TXLNG: variants seen among roughly 807,000 people sequenced by gnomAD.
The protein encoded by TXLNG is taxilin gamma, also known as gamma-taxilin.
TXLNG carries 5 observed loss-of-function variants against 38.8 expected under a neutral mutation model. That is an observed-to-expected ratio of 0.13 (90% CI 0.07 to 0.27). The LOEUF (loss-of-function observed/expected upper bound fraction) is 0.27, where lower values mean the gene tolerates loss of function less well. Among genes scored for constraint, TXLNG ranks in the 10% least tolerant of loss-of-function variants. The probability of loss-of-function intolerance (pLI) is 1.00; values close to 1 mark genes in which losing one functional copy is unlikely to be tolerated. For missense variants in TXLNG, 393 were observed against 398.2 expected (o/e 0.99, Z 0.11); for synonymous variants, 182 against 158.2 (o/e 1.15, Z -1.13).
chrX:16,841,636 A>G lies in TXLNG; in HGVS notation c.1457A>G (p.His486Arg), dbSNP rs1377503589. Residue 486 changes from histidine (H) to arginine (R), a missense_variant, in exon 10 of 10, where the codon CAC becomes CGC. Physicochemically the swap from His to Arg is conservative, Grantham distance 29. Transcript: ENST00000380122. ...VMQPCTALDS[H>R]KELNTSSKRA... ...CAGCCCTGTACTGCCCTGGATTCTC[A>G]CAAGGAGCTGAACACTTCCTCGAAA... The G allele has an allele frequency of 4.1e-6, 5 of 1,211,619 alleles. No individual in the cohort carries two copies. Among genetic ancestry groups the G allele is most frequent in the Non-Finnish European group, 4.5e-6 (4 of 895,504 alleles).
chrX:16,829,329 G>A (rs1015320342), intron 4 of TXLNG, among the ~76,000 whole-genome samples: 4 of 111,383 alleles, frequency 3.6e-5, no homozygotes, highest in African/African-American at 1.3e-4. Context: ...GCAGTAGAGT[G>A]AATTGTAGAC....
chrX:16,843,354 G>C lies in TXLNG; in HGVS notation c.*1588G>C, dbSNP rs1602409747. Reference sequence around the variant, plus strand: ...AAACCGCCTGGAGTGGAGGAGGGTTGTATCTAAGCCTCCACTATCAGTCAT... The same window carrying C: ...AAACCGCCTGGAGTGGAGGAGGGTTCTATCTAAGCCTCCACTATCAGTCAT... On this transcript the variant is annotated 3_prime_UTR_variant, in exon 10 of 10. Coordinates refer to ENST00000380122, the MANE Select transcript of TXLNG (RefSeq NM_018360.3). 1 of 111,878 alleles carries C rather than the reference G, an allele frequency of 8.9e-6. No individual in the cohort carries two copies. The highest frequency in any genetic ancestry group is 2.8e-4 in the East Asian group (1 of 3,577). The allele number at this position is 111,878 out of a possible 1,213,427, so 9.2% of individuals were successfully genotyped here. A position where few individuals can be genotyped will look rare whatever the true frequency, so the allele number is the denominator to read the frequency against.
chrX:16,789,338 A>G (rs1927621362), intron 1 of TXLNG, among the ~76,000 whole-genome samples: 1 of 111,007 alleles, frequency 9.0e-6, no homozygotes, highest in Non-Finnish European at 1.9e-5. Flanking sequence ...TTTTGCTTCT[A>G]AAGGTAATGT....
chrX:16,821,647 C>T (rs1928961821), intron 3 of TXLNG, among the ~76,000 whole-genome samples: 1 of 112,281 alleles, frequency 8.9e-6, no homozygotes, highest in Non-Finnish European at 1.9e-5. Context: ...ACAGTTAATT[C>T]CATATCATAA....
chrX:16,824,211 C>T (rs956739714), intron 3 of TXLNG, among the ~76,000 whole-genome samples: 7 of 111,737 alleles, frequency 6.3e-5, no homozygotes, highest in East Asian at 2.8e-4. Flanking sequence ...CACACACACA[C>T]GCACACACGC....
intron 9 of TXLNG, 47 bp downstream of exon 9, chrX:16,839,963 T>G: frequency 8.1e-6 from 8 of 985,632 alleles, no homozygotes; most frequent in Non-Finnish European, 1.1e-5. Context: ...TCATGGGGAC[T>G]CCTTGAGTTC....
At chrX:16,831,375 T>C (rs1440244803) in intron 5 of TXLNG, among the ~76,000 whole-genome samples, 1 of 112,672 alleles carries the variant, frequency 8.9e-6, no homozygotes, top group Non-Finnish European at 1.9e-5. Context: ...GGCTGGGTGA[T>C]GGGAGTGAGA....
chrX:16,790,751 A>G (rs921967256), intron 1 of TXLNG, among the ~76,000 whole-genome samples: 3 of 112,119 alleles, frequency 2.7e-5, no homozygotes, highest in African/African-American at 9.7e-5. Flanking sequence ...TTTCAGCACC[A>G]GTCAGATGCT....
chrX:16,817,278 T>C (rs1928779992), intron 1 of TXLNG, among the ~76,000 whole-genome samples: 1 of 112,021 alleles, frequency 8.9e-6, no homozygotes, highest in Admixed American at 9.5e-5. Flanking sequence ...ATCCCAGGAG[T>C]AGAGTTAACT....
rs989225409 is a variant in TXLNG at position 16,788,824 on chromosome X, C to T, written c.102+2235C>T. Among the ~76,000 whole-genome samples the T allele has an allele frequency of 2.0e-4, 22 of 110,361 alleles. 1 individual carries two copies. The highest frequency in any genetic ancestry group is 3.3e-4 in the African/African-American group (10 of 30,336). On this transcript the variant is annotated intron_variant, in intron 1 of 9. Coordinates refer to ENST00000380122, the MANE Select transcript of TXLNG (RefSeq NM_018360.3). ...CTGGGATTACAGATGTGTGCTACCA[C>T]GCCCAGCTAATTTTTATATTTTTAG...
At chrX:16,837,485 C>A (rs1024295623) in intron 7 of TXLNG, 108 bp from the exon 8 acceptor site, 22 of 502,989 alleles carry the variant, frequency 4.4e-5, no homozygotes, top group South Asian at 1.8e-4. Flanking sequence ...TGCATTTGTT[C>A]GTATTTCTAT....
At chrX:16,812,024 G>A (rs1467684603) in intron 1 of TXLNG, among the ~76,000 whole-genome samples, 1 of 101,640 alleles carries the variant, frequency 9.8e-6, no homozygotes, top group African/African-American at 3.6e-5. Flanking sequence ...TTTTTTTTGA[G>A]ATGTAGTCTT....
At chrX:16,837,112 G>A (rs950793942) in intron 7 of TXLNG, among the ~76,000 whole-genome samples, 7 of 109,482 alleles carry the variant, frequency 6.4e-5, no homozygotes, top group African/African-American at 1.7e-4. Context: ...ATCTCTTTAC[G>A]TTTTCTTTTA....
intron 5 of TXLNG, among the ~76,000 whole-genome samples, chrX:16,830,471 G>T (rs1929352182): frequency 9.6e-6 from 1 of 104,420 alleles, no homozygotes; most frequent in African/African-American, 3.5e-5. Context: ...CTCACTTTTA[G>T]AGGGCCGATG....
intron 1 of TXLNG, among the ~76,000 whole-genome samples, chrX:16,806,270 G>A (rs1928325518): frequency 8.9e-6 from 1 of 112,217 alleles, no homozygotes; most frequent in Admixed American, 9.5e-5. Flanking sequence ...AACCAAATAA[G>A]GCCAGTAGCT....
intron 1 of TXLNG, among the ~76,000 whole-genome samples, chrX:16,795,273 T>C (rs1405885879): frequency 1.8e-5 from 2 of 109,758 alleles, no homozygotes; most frequent in African/African-American, 6.6e-5. Context: ...CGAGACACTG[T>C]CTCAAAAAAA....
chrX:16,839,509 TTAAC>T (rs1313366845), intron 8 of TXLNG: 3 of 148,461 alleles, frequency 2.0e-5, no homozygotes, highest in Non-Finnish European at 3.9e-5. Context: ...CACTTCAGCC[TTAAC>T]TGAGTTCAGA....
rs1030401444 is a variant in TXLNG, at chrX:16,844,117, G to C, written c.*2351G>C. 3.6e-5 allele frequency: 4 copies of C among 112,092 alleles called. No homozygotes were observed. The highest frequency in any genetic ancestry group is 1.3e-4 in the African/African-American group (4 of 30,747). 9.2% of individuals were successfully genotyped at this position (112,092 alleles called of 1,213,427 possible). On this transcript the variant is annotated 3_prime_UTR_variant, in exon 10 of 10. Transcript: ENST00000380122. ...TATTTATATTGGCGGTGGACTCCAA[G>C]GTGTAGAGAAAACTTGGGTCTTGGG...
chrX:16,788,311 A>G (rs1324428163), intron 1 of TXLNG, among the ~76,000 whole-genome samples: 3 of 111,745 alleles, frequency 2.7e-5, no homozygotes, highest in African/African-American at 6.5e-5. Context: ...GGAGGTAATG[A>G]CCCTTTGAGG....
Sources: allele counts gnomAD v4.1 joint callset (sites outside exome capture counted in the v4.1 genomes callset), GRCh38; gene constraint gnomAD v4.1.1; transcripts MANE v1.5; gene names NCBI Gene and HGNC (gene_info 2026-07-23, HGNC 2026-07-21).